The following KCNMA1 variants were observed in gnomAD, a reference collection of about 807,000 sequenced individuals.
KCNMA1 encodes the protein potassium calcium-activated channel subfamily M alpha 1.
KCNMA1 carries 29 observed loss-of-function variants against 140.0 expected under a neutral mutation model. The observed-to-expected ratio is 0.21, with a 90% CI of 0.15 to 0.28. The LOEUF is 0.28. KCNMA1 is among the 10% of genes least tolerant of loss of function. The pLI is 1.00. For synonymous variants in KCNMA1, 612 were observed against 611.9 expected (o/e 1.00, Z 0.00); for missense variants, 880 against 1,602.2 (o/e 0.55, Z 7.70).
rs192495450 is a variant in KCNMA1, at chr10:76,976,889, T to G, written c.2267-6822A>C. ...GACACAGAGATGAACGATGGAATTC[T>G]AAGAGGAAATGCACAATTGAAAAGA... is the stretch of plus-strand genomic sequence containing the variant. On this transcript the variant is annotated intron_variant, in intron 19 of 27. Transcript: ENST00000286628. Among the ~76,000 whole-genome samples, 62 of 152,268 alleles carry G rather than the reference T, an allele frequency of 4.1e-4. 1 individual carries two copies. The highest frequency in any genetic ancestry group is 1.0e-3 in the South Asian group (5 of 4,814).
intron 1 of KCNMA1, among the ~76,000 whole-genome samples, chr10:77,505,002 G>A (rs1001410801): frequency 1.3e-5 from 2 of 152,150 alleles, no homozygotes; most frequent in African/African-American, 2.4e-5. Context: ...GGTCTCCTGA[G>A]ATTCCTTGGC....
chr10:77,036,367 CT>C (rs2094333566), intron 15 of KCNMA1, among the ~76,000 whole-genome samples: 1 of 152,212 alleles, frequency 6.6e-6, no homozygotes, highest in Non-Finnish European at 1.5e-5. Flanking sequence ...AATTTCACCC[CT>C]ACATCCTGCT....
intron 1 of KCNMA1, among the ~76,000 whole-genome samples, chr10:77,457,860 G>A (rs1278934862): frequency 2.0e-5 from 3 of 152,136 alleles, no homozygotes; most frequent in South Asian, 2.1e-4. Context: ...ATCCTGTCTG[G>A]TTCCATTCCA....
chr10:77,370,260 G>T (rs1237435048), intron 2 of KCNMA1, among the ~76,000 whole-genome samples: 1 of 152,170 alleles, frequency 6.6e-6, no homozygotes, highest in East Asian at 1.9e-4. Flanking sequence ...TCCTTTGGGG[G>T]TTTGGAAACA....
rs1328786856 is a variant in KCNMA1, at chr10:77,295,653, C to T, written c.541-44397G>A. Among the ~76,000 whole-genome samples the T allele has an allele frequency of 1.4e-3, 212 of 149,506 alleles. 3 individuals are homozygous for T. The highest frequency in any genetic ancestry group is 4.3e-3 in the African/African-American group (173 of 40,556). ...AAAATTAGCCGGGCGCGGTGGCGGG[C>T]GCCTGTAGTCCCAGCTACTCGGGAG... is the stretch of plus-strand genomic sequence containing the variant. On this transcript the variant is annotated intron_variant, in intron 2 of 27. Transcript: ENST00000286628.
intron 1 of KCNMA1, among the ~76,000 whole-genome samples, chr10:77,562,641 C>G (rs373880910): frequency 6.8e-4 from 104 of 152,340 alleles, no homozygotes; most frequent in African/African-American, 2.3e-3. Context: ...AGCATTCCCT[C>G]TAGACACTTG....
At chr10:77,163,317 C>T (rs1246718216) in intron 5 of KCNMA1, among the ~76,000 whole-genome samples, 1 of 152,194 alleles carries the variant, frequency 6.6e-6, no homozygotes, top group Admixed American at 6.5e-5. Context: ...TTACCTATTG[C>T]CTATGGCTGC....
chr10:77,162,960 T>C (rs1020054298), intron 5 of KCNMA1, among the ~76,000 whole-genome samples: 1 of 152,262 alleles, frequency 6.6e-6, no homozygotes, highest in African/African-American at 2.4e-5. Flanking sequence ...TGATTTCATC[T>C]TGATATTGGT....
chr10:76,918,497 C>T (rs2053904387), intron 23 of KCNMA1, among the ~76,000 whole-genome samples: 1 of 152,138 alleles, frequency 6.6e-6, no homozygotes, highest in Admixed American at 6.6e-5. Context: ...TTGTATATAA[C>T]ATCACTAAGT....
rs757255349 is a variant in KCNMA1 at position 76,970,008 on chromosome 10, G to A, written c.2326C>T (p.Arg776Trp). 9 of 1,613,802 alleles carry A rather than the reference G, an allele frequency of 5.6e-6. No individual in the cohort carries two copies. The highest frequency in any genetic ancestry group is 2.2e-5 in the South Asian group (2 of 91,072). ...TTAGGCGAGGTGTTGGGTGAGTTCC[G>A]CATGCCTCCATTCCGTTGCTTTTTT... ...PKKKQRNGGM[R>W]NSPNTSPKLM... The change falls in exon 20 of 28, where the codon CGG becomes TGG. Residue 776 changes from arginine (R) to tryptophan (W), a missense_variant. Physicochemically the swap from Arg to Trp is moderately radical, Grantham distance 101. Around this residue, in one of 13 missense-constraint regions of KCNMA1, gnomAD observed 196 missense variants for 233.0 expected, o/e 0.84. Transcript: ENST00000286628.
At chr10:77,086,436 C>T in intron 11 of KCNMA1, 52 bp downstream of exon 11, 2 of 1,383,698 alleles carry the variant, frequency 1.4e-6, no homozygotes, top group Admixed American at 1.7e-5. Flanking sequence ...AGGACTCCCC[C>T]CAGACCCACA....
chr10:77,573,507 C>T (rs545095821), intron 1 of KCNMA1, among the ~76,000 whole-genome samples: 8 of 152,250 alleles, frequency 5.3e-5, no homozygotes, highest in Admixed American at 2.0e-4. Flanking sequence ...TCCTCTACAG[C>T]AGGAGAGCTG....
chr10:77,021,903 AC>A (rs1268181929), intron 16 of KCNMA1, among the ~76,000 whole-genome samples: 1 of 152,260 alleles, frequency 6.6e-6, no homozygotes, highest in Non-Finnish European at 1.5e-5. Context: ...GCGCTGAAGC[AC>A]CAGAAACTAC....
At chr10:76,906,308 A>G (rs191460384) in intron 25 of KCNMA1, among the ~76,000 whole-genome samples, 2 of 152,178 alleles carry the variant, frequency 1.3e-5, no homozygotes, top group African/African-American at 4.8e-5. Flanking sequence ...GTGCATCAAG[A>G]TGGTATCATT....
At chr10:76,938,629 A>G (rs2061176686) in intron 23 of KCNMA1, among the ~76,000 whole-genome samples, 1 of 152,192 alleles carries the variant, frequency 6.6e-6, no homozygotes, top group Non-Finnish European at 1.5e-5. Flanking sequence ...AATTATTTAC[A>G]GCTTCCTAAC....
intron 25 of KCNMA1, chr10:76,902,965 G>C (rs918572161): frequency 6.6e-6 from 1 of 152,220 alleles, no homozygotes; most frequent in Non-Finnish European, 1.5e-5. Context: ...TCGGCGTTCT[G>C]ATTCTAATCT....
At chr10:77,614,921 G>A (rs921621035) in intron 1 of KCNMA1, among the ~76,000 whole-genome samples, 2 of 152,210 alleles carry the variant, frequency 1.3e-5, no homozygotes, top group African/African-American at 4.8e-5. Context: ...TTAACCAAAT[G>A]CCTGTGGCAG....
Position 76,885,055 on chromosome 10 carries a change from G to A in KCNMA1, c.*2211C>T. 1 of 1,546,024 alleles carries A rather than the reference G, an allele frequency of 6.5e-7. No homozygotes were observed. Among genetic ancestry groups the A allele is most frequent in the Non-Finnish European group, 8.7e-7 (1 of 1,145,092 alleles). On this transcript the variant is annotated 3_prime_UTR_variant, in exon 28 of 28. Transcript: ENST00000286628. ...AAGTAAGCTATGTGAGTTTTACAATGCTTTTAAACTGTCATATTTCCTGTT... is the reference window on the plus strand; with the variant it reads ...AAGTAAGCTATGTGAGTTTTACAATACTTTTAAACTGTCATATTTCCTGTT...
At chr10:77,335,876 T>C (rs866161608) in intron 2 of KCNMA1, among the ~76,000 whole-genome samples, 5 of 152,162 alleles carry the variant, frequency 3.3e-5, no homozygotes, top group South Asian at 2.1e-4. Context: ...CCAAGACCCA[T>C]GCTCCTCACT....
Sources: allele counts gnomAD v4.1 joint callset (sites outside exome capture counted in the v4.1 genomes callset), GRCh38; gene constraint gnomAD v4.1.1; regional missense constraint gnomAD v4.1.1; transcripts MANE v1.5; gene names NCBI Gene and HGNC (gene_info 2026-07-23, HGNC 2026-07-21).